Variants in TNS2 observed in about 807,000 individuals in gnomAD.
TNS2 encodes tensin 2, also known as tensin-2.
TNS2 carries 77 observed loss-of-function variants against 155.7 expected under a neutral mutation model. That is an observed-to-expected ratio of 0.49 (90% CI 0.41 to 0.60). The LOEUF is 0.60. Ranked by LOEUF, TNS2 falls within the 20% of genes least tolerant of loss-of-function variation. The probability of loss-of-function intolerance (pLI) is 0.00; values close to 1 mark genes in which losing one functional copy is unlikely to be tolerated. For synonymous variants in TNS2, 726 were observed against 763.9 expected, an observed-to-expected ratio of 0.95 and a Z score of 0.82; for missense variants, 1,703 against 1,868.8, an observed-to-expected ratio of 0.91 and a Z score of 1.64.
chr12:53,059,881 C>T lies in TNS2; in HGVS notation c.2240C>T (p.Ala747Val), dbSNP rs756644987. Residue 747 changes from alanine (A) to valine (V), a missense_variant, in exon 18 of 29, where the codon GCC becomes GTC. Physicochemically the swap from Ala to Val is moderately conservative, Grantham distance 64. Transcript: ENST00000314250. This position sits in a 1 kb window ranked among gnomAD's most constrained non-coding sequence, Gnocchi z 4.7. ...LLLPACGHHH[A>V]PMPDYSCLKP... ...TTGCCTGCCTGTGGGCATCACCATG[C>T]CCCGATGCCTGACTACAGCTGCCTG... 1.2e-5 allele frequency: 20 copies of T among 1,612,924 alleles called. No homozygotes were observed. In the South Asian group the frequency reaches 1.9e-4, roughly 15 times the overall value.
rs768812623 is a variant in TNS2 at position 53,060,843 on chromosome 12, T to G, written c.2937T>G (p.Pro979=). 1 of 1,601,072 alleles carries G rather than the reference T, an allele frequency of 6.2e-7. No homozygotes were observed. The highest frequency in any genetic ancestry group is 1.7e-5 in the Admixed American group (1 of 59,268). The part of the protein sequence containing the change: ...LAPSPVSPTF[P]PSSPSDWPQE... ...CTAGCCCAGTCTCTCCGACCTTCCCTCCCAGCTCGCCCAGTGACTGGCCTC... is the reference window on the plus strand; with the variant it reads ...CTAGCCCAGTCTCTCCGACCTTCCCGCCCAGCTCGCCCAGTGACTGGCCTC... The change falls in exon 20 of 29, where the codon CCT becomes CCG. Residue 979 remains proline (P), a synonymous_variant. Transcript: ENST00000314250. This position sits in a 1 kb window ranked among gnomAD's most constrained non-coding sequence, Gnocchi z 6.1.
At position 53,059,152 on chromosome 12, in the gene TNS2, C is replaced by T; in HGVS notation, c.1511C>T (p.Pro504Leu). 1 of 1,598,646 alleles carries T rather than the reference C, an allele frequency of 6.3e-7. No individual in the cohort carries two copies. Among genetic ancestry groups the T allele is most frequent in the African/African-American group, 1.3e-5 (1 of 74,482 alleles). ...GCACCCTCTCCAGAGCCTCCACCAC[C>T]CCCCATGCTCTCTGTCAGCAGCGAC... is the stretch of plus-strand genomic sequence containing the variant. The part of the protein sequence containing the change: ...PPAPSPEPPP[P>L]PMLSVSSDSG... The change falls in exon 18 of 29, where the codon CCC (proline) becomes CTC (leucine). Residue 504 changes from proline to leucine, a missense_variant. Coordinates refer to ENST00000314250, the MANE Select transcript of TNS2 (RefSeq NM_170754.4). This position sits in a 1 kb window ranked among gnomAD's most constrained non-coding sequence, Gnocchi z 4.7.
upstream of TNS2, chr12:53,049,844 C>T (rs1943859369): frequency 2.6e-6 from 1 of 381,692 alleles, no homozygotes; most frequent in South Asian, 2.2e-5. Context: ...CCTGCAGATC[C>T]CTGGAGAGTG....
chr12:53,054,572 G>T, intron 7 of TNS2, 131 bp downstream of exon 7: 1 of 1,189,390 alleles, frequency 8.4e-7, no homozygotes, highest in Non-Finnish European at 1.1e-6. Context: ...GGGTGGGGGC[G>T]GGGCCCGGAG....
rs1944225267 is a variant in TNS2 at position 53,058,111 on chromosome 12, G to A, written c.1095+9G>A. On this transcript the variant is annotated intron_variant, in intron 14 of 28. Coordinates refer to ENST00000314250, the MANE Select transcript of TNS2 (RefSeq NM_170754.4). ...TCAAAGGCGATGTCATGGTGAGGGG[G>A]GTCCTGTCAACAAGAAGAATCCTGG... 6.2e-7 allele frequency: 1 copy of A among 1,614,144 alleles called. No homozygotes were observed. The highest frequency in any genetic ancestry group is 8.5e-7 in the Non-Finnish European group (1 of 1,180,000).
At chr12:53,053,322 C>A in intron 3 of TNS2, 89 bp from the exon 4 acceptor site, 2 of 1,507,052 alleles carry the variant, frequency 1.3e-6, no homozygotes, top group South Asian at 1.1e-5. Context: ...GCCCCTCCAC[C>A]TTCCTCCTGA....
rs1426794492 is a variant in TNS2, at chr12:53,057,832, T to C, written c.1018T>C (p.Tyr340His). ...GCAGCTTGTCTACACATCTGGAGTC[T>C]AGTGAGTGCTCTATTCCCAGGCCCC... ...SMQLVYTSGVYHIAGPGPQQL... is the reference protein window; with the variant it reads ...SMQLVYTSGVHHIAGPGPQQL... The change falls in exon 13 of 29, where the codon TAT becomes CAT. Residue 340 changes from tyrosine to histidine, a missense_variant and splice_region_variant. By Grantham distance (83) the Tyr-to-His change is moderately conservative. Coordinates refer to ENST00000314250, the MANE Select transcript of TNS2 (RefSeq NM_170754.4). 3 of 1,613,778 alleles carry C rather than the reference T, an allele frequency of 1.9e-6. No individual in the cohort carries two copies. Among genetic ancestry groups the C allele is most frequent in the African/African-American group, 2.7e-5 (2 of 74,942 alleles).
chr12:53,061,768 C>A, intron 21 of TNS2, 47 bp from the exon 22 acceptor site: 1 of 1,585,014 alleles, frequency 6.3e-7, no homozygotes, highest in Non-Finnish European at 8.6e-7. Flanking sequence ...GCTCAGTCCA[C>A]CCCTGTGAAA....
In TNS2 at chr12:53,058,700, G is replaced by A. The variant is rs996934541; in HGVS notation, c.1292-14G>A. ...CTCTCCCCTGCTCCCCAATACCCGA[G>A]TGGCCTTCCACAGGCAGCACTCCAC... On this transcript the variant is annotated splice_polypyrimidine_tract_variant and intron_variant, in intron 16 of 28. Transcript: ENST00000314250. 6.2e-7 allele frequency: 1 copy of A among 1,613,994 alleles called. No individual in the cohort carries two copies. The highest frequency in any genetic ancestry group is 8.5e-7 in the Non-Finnish European group (1 of 1,179,990).
chr12:53,062,857 C>A, intron 25 of TNS2, 160 bp downstream of exon 25: 1 of 1,001,322 alleles, frequency 1.0e-6, no homozygotes, highest in Non-Finnish European at 1.4e-6. Context: ...ATTGGGTCCT[C>A]AGCCTAGGTT....
rs573378139 is a variant in TNS2 at position 53,050,095 on chromosome 12, G to A, written c.-91G>A. The stretch of plus-strand genomic sequence containing the variant: ...GCCTACCCTCCGCCCAGGGGAAGCG[G>A]CTGCCTCCGCCAGGCCGCTTCCAGG... On this transcript the variant is annotated 5_prime_UTR_variant, in exon 1 of 29. Coordinates refer to ENST00000314250, the MANE Select transcript of TNS2 (RefSeq NM_170754.4). This position sits in a 1 kb window ranked among gnomAD's most constrained non-coding sequence, Gnocchi z 4.7. 3.2e-6 allele frequency: 5 copies of A among 1,550,960 alleles called. No homozygotes were observed. Among genetic ancestry groups the A allele is most frequent in the East Asian group, 2.4e-5 (1 of 41,366 alleles).
At position 53,055,213 on chromosome 12, in the gene TNS2, G is replaced by A; in HGVS notation, c.550G>A (p.Asp184Asn). 1 of 1,613,964 alleles carries A rather than the reference G, an allele frequency of 6.2e-7. No homozygotes were observed. Among genetic ancestry groups the A allele is most frequent in the South Asian group, 1.1e-5 (1 of 91,070 alleles). ...LLFNLSEKRH[D>N]LTRLNPKVQD... The stretch of plus-strand genomic sequence containing the variant: ...CTTCAACCTTTCAGAGAAAAGGCAT[G>A]ACCTGACCCGCTTAAACCCCAAGGT... The change falls in exon 8 of 29, where the codon GAC (aspartate) becomes AAC (asparagine). Residue 184 changes from aspartate (D) to asparagine (N), a missense_variant. By Grantham distance (23) the Asp-to-Asn change is conservative. Transcript: ENST00000314250.
chr12:53,049,009 C>A (rs1943823887), upstream of TNS2: 6 of 599,792 alleles, frequency 1.0e-5, no homozygotes, highest in Non-Finnish European at 1.4e-5. Flanking sequence ...CAGCTTGGGG[C>A]TGAAGACTCC....
In TNS2 at chr12:53,063,648, C is replaced by T; in HGVS notation, c.4091+56C>T. Reference sequence around the variant, plus strand: ...TTCCAAGGGACCAGGGCGCTGCTGTCCTCTCAATGCTGGCATTTGATTTGT... The same window carrying T: ...TTCCAAGGGACCAGGGCGCTGCTGTTCTCTCAATGCTGGCATTTGATTTGT... On this transcript the variant is annotated intron_variant, in intron 28 of 28. Transcript: ENST00000314250. The surrounding 1 kb of genome is among the most constrained non-coding windows in gnomAD (Gnocchi z 5.6). 6.2e-7 allele frequency: 1 copy of T among 1,614,176 alleles called. No homozygotes were observed. Among genetic ancestry groups the T allele is most frequent in the Non-Finnish European group, 8.5e-7 (1 of 1,179,994 alleles).
chr12:53,055,408 C>T (rs1944112323), intron 8 of TNS2, among the ~76,000 whole-genome samples, 160 bp from the exon 9 acceptor site: 1 of 152,188 alleles, frequency 6.6e-6, no homozygotes, highest in Non-Finnish European at 1.5e-5. Flanking sequence ...CAGCAGGTAT[C>T]AGCCCATTGT....
chr12:53,058,221 C>G lies in TNS2; in HGVS notation c.1096-95C>G, dbSNP rs576271174. On this transcript the variant is annotated intron_variant, in intron 14 of 28. Coordinates refer to ENST00000314250, the MANE Select transcript of TNS2 (RefSeq NM_170754.4). ...GCGAGTAGGGAGATCACCTTGAGAT[C>G]GAGGCAGGGCAGAAGCTGTGACCAG... is the stretch of plus-strand genomic sequence containing the variant. 10 of 1,602,914 alleles carry G rather than the reference C, an allele frequency of 6.2e-6. No homozygotes were observed. The East Asian group carries it at 2.0e-4, about 32-fold the overall frequency.
intron 11 of TNS2, 123 bp from the exon 12 acceptor site, chr12:53,057,444 C>G: frequency 1.3e-6 from 1 of 799,526 alleles, no homozygotes; most frequent in Non-Finnish European, 2.0e-6. Flanking sequence ...TTTCTGGTGA[C>G]CCGGAAGATG....
chr12:53,057,008 C>G lies in TNS2; in HGVS notation c.762-5C>G. 1 of 1,612,782 alleles carries G rather than the reference C, an allele frequency of 6.2e-7. No individual in the cohort carries two copies. ...AATCCCCAACACTGGCCTTGCTATC[C>G]CCAGGGCGGACCAGGCACTGGCCAC... is the stretch of plus-strand genomic sequence containing the variant. On this transcript the variant is annotated splice_region_variant and splice_polypyrimidine_tract_variant and intron_variant, in intron 10 of 28. Coordinates refer to ENST00000314250, the MANE Select transcript of TNS2 (RefSeq NM_170754.4).
intron 14 of TNS2, 69 bp downstream of exon 14, chr12:53,058,171 T>A (rs1190317858): frequency 1.2e-6 from 2 of 1,611,290 alleles, no homozygotes; most frequent in Non-Finnish European, 1.7e-6. Flanking sequence ...AACGGCACAG[T>A]CACCAATTTG....
Sources: gnomAD v4.1 joint callset for allele counts (sites outside exome capture counted in the v4.1 genomes callset) on GRCh38, gnomAD v4.1.1 for gene constraint, Gnocchi (gnomAD v3.1) non-coding constraint, MANE v1.5 for transcripts, NCBI Gene and HGNC (gene_info 2026-07-23, HGNC 2026-07-21) for gene names.